The following ASTN2 variants were observed in gnomAD, a reference collection of about 807,000 sequenced individuals.
ASTN2 encodes the protein astrotactin-2.
ASTN2 carries 54 observed loss-of-function variants against 139.8 expected under a neutral mutation model. The observed-to-expected ratio is 0.39, with a 90% confidence interval of 0.31 to 0.48. ASTN2 has a LOEUF of 0.48. Among genes scored for constraint, ASTN2 ranks in the 20% least tolerant of loss-of-function variants. The pLI, the probability that ASTN2 is intolerant of heterozygous loss-of-function variation, is 0.95. For missense variants in ASTN2, 1,565 were observed against 1,725.1 expected, an observed-to-expected ratio of 0.91 and a Z score of 1.64; for synonymous variants, 756 against 719.5, an observed-to-expected ratio of 1.05 and a Z score of -0.81.
intron 12 of ASTN2, among the ~76,000 whole-genome samples, chr9:116,818,891 TCA>T (rs1206011986): frequency 6.6e-6 from 1 of 152,210 alleles, no homozygotes; most frequent in East Asian, 1.9e-4. Context: ...TTGAGCCACA[TCA>T]CTAGTCATAT....
intron 11 of ASTN2, among the ~76,000 whole-genome samples, chr9:116,839,677 T>C (rs563688688): frequency 6.6e-6 from 1 of 151,332 alleles, no homozygotes; most frequent in South Asian, 2.1e-4. Context: ...TGTATATATA[T>C]ATTTTTTTCC....
At chr9:117,360,464 A>G (rs1173699114) in intron 1 of ASTN2, among the ~76,000 whole-genome samples, 2 of 152,156 alleles carry the variant, frequency 1.3e-5, no homozygotes, top group South Asian at 2.1e-4. Context: ...CAGGCAAAAA[A>G]GTGGAAACTA....
intron 19 of ASTN2, among the ~76,000 whole-genome samples, chr9:116,616,203 A>G (rs936403173): frequency 6.6e-6 from 1 of 152,210 alleles, no homozygotes; most frequent in Non-Finnish European, 1.5e-5. Flanking sequence ...GAGGCATGTA[A>G]TCAGTGCATG....
intron 4 of ASTN2, among the ~76,000 whole-genome samples, chr9:117,102,083 C>T (rs755392947): frequency 6.6e-5 from 10 of 152,274 alleles, no homozygotes; most frequent in Non-Finnish European, 1.5e-4. Flanking sequence ...AGTATCTGTA[C>T]ATGAATGTTC....
At chr9:116,716,139 T>C (rs972020377) in intron 16 of ASTN2, among the ~76,000 whole-genome samples, 7 of 152,182 alleles carry the variant, frequency 4.6e-5, no homozygotes, top group Admixed American at 2.0e-4. Context: ...CATCTCTGTC[T>C]GGGACTGTGA....
chr9:116,676,319 A>G (rs1859496966), intron 16 of ASTN2, among the ~76,000 whole-genome samples: 1 of 152,218 alleles, frequency 6.6e-6, no homozygotes, highest in Non-Finnish European at 1.5e-5. Flanking sequence ...TTGTGAGACT[A>G]GTCTTAGGCC....
At chr9:117,012,936 C>T (rs189010455) in intron 6 of ASTN2, among the ~76,000 whole-genome samples, 7 of 152,268 alleles carry the variant, frequency 4.6e-5, no homozygotes, top group Admixed American at 2.0e-4. Context: ...TAAAATATGG[C>T]GTCTGCCTAC....
chr9:116,862,372 T>C (rs1471139569), intron 11 of ASTN2, among the ~76,000 whole-genome samples: 1 of 152,192 alleles, frequency 6.6e-6, no homozygotes, highest in Non-Finnish European at 1.5e-5. Context: ...CCCTCAGTTT[T>C]TTAAGAAACA....
intron 12 of ASTN2, among the ~76,000 whole-genome samples, chr9:116,813,100 A>G (rs1831211547): frequency 6.6e-6 from 1 of 152,200 alleles, no homozygotes; most frequent in African/African-American, 2.4e-5. Context: ...ATTTTCCTAC[A>G]GAAATTCTAA....
intron 10 of ASTN2, among the ~76,000 whole-genome samples, chr9:116,924,624 T>G: frequency 6.6e-6 from 1 of 152,146 alleles, no homozygotes; most frequent in East Asian, 1.9e-4. Flanking sequence ...CCATATAAGG[T>G]AACTTTCTGA....
chr9:116,867,972 G>C (rs560369886), intron 10 of ASTN2, among the ~76,000 whole-genome samples: 32 of 152,304 alleles, frequency 2.1e-4, no homozygotes, highest in African/African-American at 7.5e-4. Context: ...CCAGGGTTTA[G>C]GGTCTGTGGG....
intron 7 of ASTN2, among the ~76,000 whole-genome samples, chr9:117,003,953 C>CACGCGCGCGCGTGTGTGTGTGTGT (rs1554768387): frequency 4.1e-5 from 6 of 146,226 alleles, no homozygotes; most frequent in African/African-American, 1.6e-4. Flanking sequence ...CGCGCGCGCG[C>CACGCGCGCGCGTGTGTGTGTGTGT]GTGTGTGTGT....
intron 17 of ASTN2, among the ~76,000 whole-genome samples, chr9:116,641,898 C>G (rs1019667180): frequency 6.6e-6 from 1 of 151,848 alleles, no homozygotes; most frequent in African/African-American, 2.4e-5. Flanking sequence ...GATTCTTGGC[C>G]GGTTCACCTC....
chr9:117,003,556 T>TGTGTGTGTGTGTGTGTGGGTGTG (rs1412820236), intron 7 of ASTN2, among the ~76,000 whole-genome samples: 1 of 146,964 alleles, frequency 6.8e-6, no homozygotes, highest in Non-Finnish European at 1.5e-5. Context: ...TGTGTGTGTA[T>TGTGTGTGTGTGTGTGTGGGTGTG]TTAAATCTAG....
intron 13 of ASTN2, among the ~76,000 whole-genome samples, chr9:116,794,090 A>G (rs1830624919): frequency 7.0e-6 from 1 of 143,430 alleles, no homozygotes; most frequent in Admixed American, 7.7e-5. Flanking sequence ...AAACAAAAAT[A>G]AACACCTTTT....
chr9:116,456,597 G>C (rs1218582962), intron 20 of ASTN2, among the ~76,000 whole-genome samples: 1 of 152,170 alleles, frequency 6.6e-6, no homozygotes, highest in Non-Finnish European at 1.5e-5. Flanking sequence ...AAGTAAGGTG[G>C]AGCAAGTCAC....
At chr9:117,030,068 C>G (rs1049481023) in intron 6 of ASTN2, among the ~76,000 whole-genome samples, 1 of 152,042 alleles carries the variant, frequency 6.6e-6, no homozygotes, top group Non-Finnish European at 1.5e-5. Flanking sequence ...CCCAAGGTCA[C>G]AAAACTAGAA....
intron 3 of ASTN2, among the ~76,000 whole-genome samples, chr9:117,174,222 C>CAA (rs1187785837): frequency 6.6e-6 from 1 of 151,762 alleles, no homozygotes; most frequent in Non-Finnish European, 1.5e-5. Context: ...CACAGGTATA[C>CAA]AAACACACAT....
chr9:116,858,712 G>A (rs1176223159), intron 11 of ASTN2, among the ~76,000 whole-genome samples: 1 of 152,086 alleles, frequency 6.6e-6, no homozygotes, highest in Non-Finnish European at 1.5e-5. Flanking sequence ...TCTCTTTTCT[G>A]ATGTTTCATT....
Sources: gnomAD v4.1 joint callset for allele counts (sites outside exome capture counted in the v4.1 genomes callset) on GRCh38, gnomAD v4.1.1 for gene constraint, MANE v1.5 for transcripts, NCBI Gene and HGNC (gene_info 2026-07-23, HGNC 2026-07-21) for gene names.